Variants in EXD3 observed in about 807,000 individuals in gnomAD.
EXD3 encodes exonuclease 3'-5' domain containing 3.
EXD3 carries 92 observed loss-of-function variants against 98.0 expected under a neutral mutation model. The ratio of observed to expected loss-of-function variants is 0.94; its 90% CI spans 0.79 to 1.12. EXD3 has a LOEUF of 1.12. Ranked by LOEUF, EXD3 falls within the 50% of genes most tolerant of loss-of-function variation. EXD3 has a pLI of 0.00. For missense variants in EXD3, 1,222 were observed against 1,191.6 expected, an observed-to-expected ratio of 1.03 and a Z score of -0.38; for synonymous variants, 569 against 526.0, an observed-to-expected ratio of 1.08 and a Z score of -1.12.
chr9:137,370,791 C>CT (rs1158053438), intron 5 of EXD3, among the ~76,000 whole-genome samples: 14,258 of 129,972 alleles, frequency 0.11, 875 homozygotes, highest in Non-Finnish European at 0.14. Flanking sequence ...CCAAGAGGGC[C>CT]TTTTTTTTTT....
At chr9:137,369,087 G>C (rs1378025546) in intron 5 of EXD3, among the ~76,000 whole-genome samples, 1 of 136,674 alleles carries the variant, frequency 7.3e-6, no homozygotes, top group South Asian at 2.5e-4. Context: ...GGGCCGTGGG[G>C]AGGGGCGCAG....
At chr9:137,354,979 C>T (rs1171817969) in intron 8 of EXD3, among the ~76,000 whole-genome samples, 1 of 152,124 alleles carries the variant, frequency 6.6e-6, no homozygotes, top group Non-Finnish European at 1.5e-5. Context: ...GCCCCGGGGT[C>T]TCCCTTGCAC....
intron 17 of EXD3, among the ~76,000 whole-genome samples, chr9:137,340,018 C>T (rs1045667625): frequency 2.0e-5 from 3 of 152,142 alleles, no homozygotes; most frequent in Non-Finnish European, 2.9e-5. Context: ...GAGCCAGGGG[C>T]ATTTAGCAAG....
At position 137,349,229 on chromosome 9, in the gene EXD3, C is replaced by A. The variant is rs376767842; in HGVS notation, c.1711G>T (p.Ala571Ser). 3 of 1,576,944 alleles carry A rather than the reference C, an allele frequency of 1.9e-6. No individual in the cohort carries two copies. Among genetic ancestry groups the A allele is most frequent in the East Asian group, 2.3e-5 (1 of 43,470 alleles). Reference protein sequence around the residue: ...EVHQALCREPARFHLSEDLAG... With the variant: ...EVHQALCREPSRFHLSEDLAG... ...AGGTCCTCCGACAGGTGGAAGCGGG[C>A]GGGCTCTCTGCACAGGGCTTGGTGC... The change falls in exon 16 of 22, where the codon GCC becomes TCC. Residue 571 changes from alanine (A) to serine (S), a missense_variant. Ala to Ser is a moderately conservative substitution (Grantham distance 99). Coordinates refer to ENST00000340951, the MANE Select transcript of EXD3 (RefSeq NM_017820.5). The surrounding 1 kb of genome is among the most constrained non-coding windows in gnomAD (Gnocchi z 7.4).
intron 2 of EXD3, 114 bp from the exon 3 acceptor site, chr9:137,383,491 G>T: frequency 2.7e-6 from 2 of 740,146 alleles, no homozygotes; most frequent in Non-Finnish European, 4.3e-6. Context: ...CTCTGGACCC[G>T]GGGGGCCGGG....
Position 137,374,649 on chromosome 9 carries a change from G to T in EXD3, c.121-1050C>A, listed in dbSNP as rs532479286. On this transcript the variant is annotated intron_variant, in intron 3 of 21. Coordinates refer to ENST00000340951, the MANE Select transcript of EXD3 (RefSeq NM_017820.5). ...GGAGACCTCAGCGCTGTCCAGGAGG[G>T]TGCCATGCCCAAAGGCGCGGGAGGC... is the stretch of plus-strand genomic sequence containing the variant. 98 of 985,548 alleles carry T rather than the reference G, an allele frequency of 9.9e-5. No homozygotes were observed. The African/African-American group carries it at 1.5e-3, about 15-fold the overall frequency. The allele number at this position is 985,548 out of a possible 1,614,324, so 61.1% of individuals were successfully genotyped here.
chr9:137,324,051 G>C lies in EXD3; in HGVS notation c.2052+39C>G, dbSNP rs994981905. 8.3e-6 allele frequency: 13 copies of C among 1,562,400 alleles called. No individual in the cohort carries two copies. The highest frequency in any genetic ancestry group is 1.1e-5 in the Non-Finnish European group (13 of 1,152,632). ...CGAGGGGCTGGGGGCTTGGGAAGAT[G>C]GGGCTCAGGCCCACTGAGCTTATCT... On this transcript the variant is annotated intron_variant, in intron 18 of 21. Coordinates refer to ENST00000340951, the MANE Select transcript of EXD3 (RefSeq NM_017820.5). This position sits in a 1 kb window ranked among gnomAD's most constrained non-coding sequence, Gnocchi z 4.1.
At chr9:137,383,572 T>C (rs977409847) in intron 2 of EXD3, among the ~76,000 whole-genome samples, 195 bp from the exon 3 acceptor site, 2 of 152,148 alleles carry the variant, frequency 1.3e-5, no homozygotes, top group Admixed American at 6.5e-5. Flanking sequence ...ACCCTGTTCC[T>C]TCCCTGTGGC....
In EXD3 at chr9:137,352,614, G is replaced by A. The variant is rs1329551031; in HGVS notation, c.1037+6C>T. On this transcript the variant is annotated splice_donor_region_variant and intron_variant, in intron 11 of 21. Coordinates refer to ENST00000340951, the MANE Select transcript of EXD3 (RefSeq NM_017820.5). The stretch of plus-strand genomic sequence containing the variant: ...CCCTGGCTGGGGTCACCCTGGCGGC[G>A]CTCACCTCCCCTGGAGCCTGAACCG... 6 of 1,537,354 alleles carry A rather than the reference G, an allele frequency of 3.9e-6. No individual in the cohort carries two copies. The highest frequency in any genetic ancestry group is 2.6e-6 in the Non-Finnish European group (3 of 1,141,702).
intron 3 of EXD3, among the ~76,000 whole-genome samples, chr9:137,376,759 G>A (rs7852449): frequency 0.23 from 34,452 of 151,686 alleles, 5,557 homozygotes; most frequent in African/African-American, 0.46. Flanking sequence ...GAGAAACCCC[G>A]TCTCTACTAA....
chr9:137,370,331 C>T (rs147084402), intron 5 of EXD3, among the ~76,000 whole-genome samples: 1,580 of 152,230 alleles, frequency 0.01, 31 homozygotes, highest in African/African-American at 0.036. Flanking sequence ...ACTCAGCAGG[C>T]ACAAAAAGGT....
chr9:137,317,547 G>A (rs1831751707), intron 19 of EXD3, among the ~76,000 whole-genome samples: 4 of 151,992 alleles, frequency 2.6e-5, no homozygotes, highest in East Asian at 1.9e-4. Flanking sequence ...CCCAGGCTGG[G>A]CTCTGGCTGA....
intron 17 of EXD3, among the ~76,000 whole-genome samples, chr9:137,340,712 G>A (rs548203134): frequency 6.6e-6 from 1 of 152,072 alleles, no homozygotes; most frequent in Middle Eastern, 3.4e-3. Context: ...AAGAAATAAT[G>A]TCTCGCTATG....
intron 1 of EXD3, among the ~76,000 whole-genome samples, chr9:137,397,696 G>A (rs756804754): frequency 8.5e-5 from 13 of 152,088 alleles, no homozygotes; most frequent in Non-Finnish European, 1.3e-4. Flanking sequence ...CAAGGAGGCC[G>A]AGTGCAGTGT....
At chr9:137,369,344 CCT>C (rs1835471914) in intron 5 of EXD3, among the ~76,000 whole-genome samples, 1 of 152,140 alleles carries the variant, frequency 6.6e-6, no homozygotes, top group Non-Finnish European at 1.5e-5. Flanking sequence ...TCAGGGACCC[CCT>C]GAGAAGCTGC....
chr9:137,408,701 G>A (rs902812250), intron 1 of EXD3, among the ~76,000 whole-genome samples: 56 of 152,116 alleles, frequency 3.7e-4, no homozygotes, highest in Non-Finnish European at 4.9e-4. Flanking sequence ...GAGACTGGGG[G>A]CCTTTTATCT....
chr9:137,344,456 C>T (rs542708038), intron 17 of EXD3, among the ~76,000 whole-genome samples: 2 of 152,256 alleles, frequency 1.3e-5, no homozygotes, highest in African/African-American at 4.8e-5. Context: ...TTGTGAGTGG[C>T]GTGGAACTTC....
intron 12 of EXD3, among the ~76,000 whole-genome samples, chr9:137,351,806 T>A (rs1466651801): frequency 6.6e-6 from 1 of 152,206 alleles, no homozygotes; most frequent in Non-Finnish European, 1.5e-5. Context: ...GCACCCCACG[T>A]CTCGGGCACC....
At chr9:137,380,967 T>A (rs1269386966) in intron 3 of EXD3, among the ~76,000 whole-genome samples, 1 of 148,794 alleles carries the variant, frequency 6.7e-6, no homozygotes, top group Non-Finnish European at 1.5e-5. Context: ...GGCGTGGTGT[T>A]GCACACCTAT....
Sources: gnomAD v4.1 joint callset for allele counts (sites outside exome capture counted in the v4.1 genomes callset) on GRCh38, gnomAD v4.1.1 for gene constraint, Gnocchi (gnomAD v3.1) non-coding constraint, MANE v1.5 for transcripts, NCBI Gene and HGNC (gene_info 2026-07-23, HGNC 2026-07-21) for gene names.